The following ATP10B variants were observed in gnomAD, a reference collection of about 807,000 sequenced individuals.
ATP10B encodes the protein phospholipid-transporting ATPase VB.
ATP10B carries 122 observed loss-of-function variants against 141.2 expected under a neutral mutation model. The observed-to-expected ratio is 0.86, with a 90% CI of 0.75 to 1.00. The LOEUF (loss-of-function observed/expected upper bound fraction) is 1.00, where lower values mean the gene tolerates loss of function less well. Ranked by LOEUF, ATP10B falls within the 50% of genes least tolerant of loss-of-function variation. ATP10B has a pLI of 0.00. For synonymous variants in ATP10B, 685 were observed against 692.0 expected (o/e 0.99, Z 0.16); for missense variants, 1,876 against 1,825.3 (o/e 1.03, Z -0.51).
intron 1 of ATP10B, among the ~76,000 whole-genome samples, chr5:160,791,737 C>A (rs1463592325): frequency 6.6e-6 from 1 of 152,068 alleles, no homozygotes; most frequent in African/African-American, 2.4e-5. Flanking sequence ...ACCTCATTGG[C>A]CAAAACTTGG....
In ATP10B at chr5:160,565,433, G is replaced by T; in HGVS notation, c.*20C>A. On this transcript the variant is annotated 3_prime_UTR_variant, in exon 26 of 26. Transcript: ENST00000327245. ...TGACTAGGTGGCCTCTGTTGAGTTT[G>T]TACAGATTTCTGCAGCTCCTCATAT... 1 of 1,611,666 alleles carries T rather than the reference G, an allele frequency of 6.2e-7. No individual in the cohort carries two copies. The highest frequency in any genetic ancestry group is 2.2e-5 in the East Asian group (1 of 44,828).
intron 2 of ATP10B, among the ~76,000 whole-genome samples, chr5:160,748,655 T>A (rs542758238): frequency 1.3e-5 from 2 of 152,296 alleles, no homozygotes; most frequent in South Asian, 4.1e-4. Context: ...CTGGCTGAGA[T>A]TTCTGAGTAG....
intron 1 of ATP10B, among the ~76,000 whole-genome samples, chr5:160,838,932 C>A (rs77386033): frequency 1.2e-4 from 19 of 152,100 alleles, no homozygotes; most frequent in Non-Finnish European, 2.5e-4. Context: ...TATCTGGTTA[C>A]TTAAAAGAGT....
At chr5:160,865,570 A>G in the ATP10B span, among the ~76,000 whole-genome samples, 1 of 152,176 alleles carries the variant, frequency 6.6e-6, no homozygotes, top group African/African-American at 2.4e-5. Flanking sequence ...AAAAACAAAT[A>G]AATGGGACCT....
chr5:160,832,365 A>C (rs1055941027), intron 1 of ATP10B, among the ~76,000 whole-genome samples: 4 of 152,204 alleles, frequency 2.6e-5, no homozygotes, highest in African/African-American at 9.6e-5. Flanking sequence ...ATAACAAAAT[A>C]CTATATAAAT....
At chr5:160,846,637 A>G (rs1013588818) in intron 1 of ATP10B, among the ~76,000 whole-genome samples, 1 of 152,190 alleles carries the variant, frequency 6.6e-6, no homozygotes, top group Non-Finnish European at 1.5e-5. Flanking sequence ...CTACTAATAC[A>G]TATCCAGCGC....
intron 21 of ATP10B, among the ~76,000 whole-genome samples, chr5:160,601,565 T>C (rs962004162): frequency 5.3e-5 from 8 of 152,216 alleles, no homozygotes; most frequent in African/African-American, 1.7e-4. Context: ...TCAGTTGGTA[T>C]GTGTTTGCTT....
chr5:160,666,819 G>A (rs1170509800), intron 7 of ATP10B, among the ~76,000 whole-genome samples: 2 of 152,164 alleles, frequency 1.3e-5, no homozygotes, highest in Non-Finnish European at 2.9e-5. Flanking sequence ...TCTCTATGTG[G>A]AAAGAATCCT....
intron 2 of ATP10B, among the ~76,000 whole-genome samples, chr5:160,761,214 A>C (rs979561229): frequency 6.6e-6 from 1 of 152,180 alleles, no homozygotes; most frequent in Non-Finnish European, 1.5e-5. Flanking sequence ...CCACATGACA[A>C]CTTCACTGCT....
rs1158873341 is a variant in ATP10B at position 160,639,552 on chromosome 5, G to A, written c.1000+909C>T. Among the ~76,000 whole-genome samples, 2 of 152,176 alleles carry A rather than the reference G, an allele frequency of 1.3e-5. 1 individual carries two copies. The highest frequency in any genetic ancestry group is 4.1e-4 in the South Asian group (2 of 4,828). On this transcript the variant is annotated intron_variant, in intron 10 of 25. Coordinates refer to ENST00000327245, the MANE Select transcript of ATP10B (RefSeq NM_025153.3). ...ACTGAGGAAGGAACCACAGACTAAG[G>A]ACTATAGGCAGCCACTAGAAACGGA...
At chr5:160,668,740 G>C (rs1321768254) in intron 7 of ATP10B, among the ~76,000 whole-genome samples, 1 of 152,084 alleles carries the variant, frequency 6.6e-6, no homozygotes, top group African/African-American at 2.4e-5. Context: ...GAGTCTCTTG[G>C]GTAGCAAACT....
At chr5:160,682,761 C>T (rs1225317218) in intron 6 of ATP10B, among the ~76,000 whole-genome samples, 3 of 152,002 alleles carry the variant, frequency 2.0e-5, no homozygotes, top group African/African-American at 7.2e-5. Context: ...CTTTCTCGGC[C>T]GGGCGCGGTG....
intron 3 of ATP10B, chr5:160,692,550 A>G (rs1356578137): frequency 6.6e-6 from 1 of 152,198 alleles, no homozygotes; most frequent in South Asian, 2.1e-4. Flanking sequence ...CATTAGAGTC[A>G]TAAGGGTTTT....
rs939048593 is a variant in ATP10B, at chr5:160,735,842, T to G, written c.-330-18808A>C. The stretch of plus-strand genomic sequence containing the variant: ...AACTAGAAATCAATAAAGAGAAATT[T>G]TGGAAACTTTGTAAACACAGGGAAA... On this transcript the variant is annotated intron_variant, in intron 2 of 25. Coordinates refer to ENST00000327245, the MANE Select transcript of ATP10B (RefSeq NM_025153.3). 1.8e-4 allele frequency among the ~76,000 whole-genome samples: 28 copies of G among 152,180 alleles called. 1 individual carries two copies. The highest frequency in any genetic ancestry group is 5.9e-5 in the Non-Finnish European group (4 of 68,012).
chr5:160,920,180 C>T, the ATP10B span, among the ~76,000 whole-genome samples: 1 of 152,212 alleles, frequency 6.6e-6, no homozygotes, highest in South Asian at 2.1e-4. Context: ...GATCGAGCAT[C>T]TCTGACACCA....
At chr5:160,708,779 T>C (rs990835075) in intron 3 of ATP10B, among the ~76,000 whole-genome samples, 1 of 152,204 alleles carries the variant, frequency 6.6e-6, no homozygotes, top group Admixed American at 6.5e-5. Flanking sequence ...TACGTCATGA[T>C]GGAAGAGCTG....
At chr5:160,719,021 G>A (rs188427498) in intron 2 of ATP10B, among the ~76,000 whole-genome samples, 61 of 152,330 alleles carry the variant, frequency 4.0e-4, no homozygotes, top group Non-Finnish European at 8.4e-4. Context: ...GTTCGTCAGA[G>A]TTCTTTGGAC....
At chr5:160,582,476 T>C (rs11950784) in intron 24 of ATP10B, among the ~76,000 whole-genome samples, 4,992 of 152,318 alleles carry the variant, frequency 0.033, 281 homozygotes, top group African/African-American at 0.11. Flanking sequence ...GTCCTCACTC[T>C]CTCCTGGCTT....
chr5:160,925,435 AAC>A, the ATP10B span, among the ~76,000 whole-genome samples: 1 of 152,330 alleles, frequency 6.6e-6, no homozygotes, highest in South Asian at 2.1e-4. Flanking sequence ...GGGAAACTGA[AAC>A]AGAGTGGTTG....
Sources: gnomAD v4.1 joint callset for allele counts (sites outside exome capture counted in the v4.1 genomes callset) on GRCh38, gnomAD v4.1.1 for gene constraint, MANE v1.5 for transcripts, NCBI Gene and HGNC (gene_info 2026-07-23, HGNC 2026-07-21) for gene names.